The following CCDC170 variants were observed in gnomAD, a reference collection of about 807,000 sequenced individuals.
The protein encoded by CCDC170 is coiled-coil domain-containing protein 170.
CCDC170 carries 69 observed loss-of-function variants against 72.6 expected under a neutral mutation model. The observed-to-expected ratio is 0.95, with a 90% CI of 0.78 to 1.16. CCDC170 has a LOEUF of 1.16. Ranked by LOEUF, CCDC170 falls within the 50% of genes most tolerant of loss-of-function variation. The pLI, the probability that CCDC170 is intolerant of heterozygous loss-of-function variation, is 0.00. For missense variants in CCDC170, 852 were observed against 832.5 expected (o/e 1.02, Z -0.29); for synonymous variants, 300 against 303.9 (o/e 0.99, Z 0.13).
chr6:151,555,960 G>T (rs1232325006), intron 5 of CCDC170, among the ~76,000 whole-genome samples: 1 of 152,142 alleles, frequency 6.6e-6, no homozygotes, highest in African/African-American at 2.4e-5. Context: ...CAAAATTAAA[G>T]CTGGATTGGG....
At chr6:151,582,529 G>GT (rs531726351) in intron 6 of CCDC170, among the ~76,000 whole-genome samples, 175 of 151,940 alleles carry the variant, frequency 1.2e-3, no homozygotes, top group African/African-American at 3.9e-3. Context: ...CAATAAGGCT[G>GT]TTTTTTTTCT....
chr6:151,582,156 A>G (rs1246746776), intron 6 of CCDC170, among the ~76,000 whole-genome samples: 1 of 152,308 alleles, frequency 6.6e-6, no homozygotes, highest in Non-Finnish European at 1.5e-5. Context: ...TTTAGCTATG[A>G]AAGTCCTAAA....
chr6:151,520,612 G>A (rs949892539), intron 1 of CCDC170, among the ~76,000 whole-genome samples: 2 of 152,202 alleles, frequency 1.3e-5, no homozygotes, highest in African/African-American at 4.8e-5. Flanking sequence ...TTATGGTTAA[G>A]GAGTCATTGC....
intron 4 of CCDC170, among the ~76,000 whole-genome samples, chr6:151,545,439 G>A (rs920385776): frequency 1.3e-5 from 2 of 151,458 alleles, no homozygotes; most frequent in Admixed American, 1.3e-4. Context: ...AAACAAAATA[G>A]CAAAAATTCT....
intron 1 of CCDC170, among the ~76,000 whole-genome samples, chr6:151,513,613 CAAAAAAAA>C (rs71014591): frequency 2.2e-5 from 1 of 46,010 alleles, no homozygotes; most frequent in African/African-American, 9.5e-5. Context: ...GGCTCCGTCT[CAAAAAAAA>C]AAAAAAAAAA....
At chr6:151,612,353 T>C (rs996185190) in intron 9 of CCDC170, among the ~76,000 whole-genome samples, 2 of 152,188 alleles carry the variant, frequency 1.3e-5, no homozygotes, top group African/African-American at 2.4e-5. Flanking sequence ...GTCATAGTCA[T>C]CTCAAAGCCC....
chr6:151,583,137 C>CATGA, intron 6 of CCDC170, among the ~76,000 whole-genome samples: 1 of 151,632 alleles, frequency 6.6e-6, no homozygotes, highest in East Asian at 2.0e-4. Context: ...GGACTACAGG[C>CATGA]GCCTGCCACC....
At chr6:151,572,497 A>C (rs1776232082) in intron 5 of CCDC170, among the ~76,000 whole-genome samples, 1 of 152,104 alleles carries the variant, frequency 6.6e-6, no homozygotes, top group South Asian at 2.1e-4. Context: ...AGTTCTATAA[A>C]CATATTCTAC....
In CCDC170 at chr6:151,511,819, C is replaced by T. The variant is rs181795309; in HGVS notation, c.57+17634C>T. On this transcript the variant is annotated intron_variant, in intron 1 of 10. Coordinates refer to ENST00000239374, the MANE Select transcript of CCDC170 (RefSeq NM_025059.4). ...TTACATTTTTGTATATGTTTGGTAC[C>T]GTGCATAATATGTACAGTAGTATAT... Among the ~76,000 whole-genome samples, 357 of 152,156 alleles carry T rather than the reference C, an allele frequency of 2.3e-3. 1 individual carries two copies. The highest frequency in any genetic ancestry group is 7.7e-3 in the African/African-American group (318 of 41,512).
chr6:151,571,128 C>G (rs1776212943), intron 5 of CCDC170, among the ~76,000 whole-genome samples: 1 of 152,116 alleles, frequency 6.6e-6, no homozygotes, highest in Admixed American at 6.5e-5. Flanking sequence ...GTGTTTCAGG[C>G]TATCCTTTTT....
chr6:151,567,580 A>T (rs1313032719), intron 5 of CCDC170, among the ~76,000 whole-genome samples: 1 of 152,172 alleles, frequency 6.6e-6, no homozygotes, highest in Non-Finnish European at 1.5e-5. Flanking sequence ...ATCTGTCAAC[A>T]GTTCTATTAG....
intron 1 of CCDC170, among the ~76,000 whole-genome samples, chr6:151,496,607 T>G (rs1781916040): frequency 6.6e-6 from 1 of 152,210 alleles, no homozygotes; most frequent in Non-Finnish European, 1.5e-5. Context: ...GACTTGTATC[T>G]TTCTTTCAAA....
intron 3 of CCDC170, among the ~76,000 whole-genome samples, chr6:151,540,507 T>A (rs576508068): frequency 6.8e-6 from 1 of 147,368 alleles, no homozygotes; most frequent in South Asian, 2.2e-4. Flanking sequence ...TGACTCAGCC[T>A]CCCAAGTAGC....
At chr6:151,499,267 G>A (rs1482122403) in intron 1 of CCDC170, among the ~76,000 whole-genome samples, 1 of 126,648 alleles carries the variant, frequency 7.9e-6, no homozygotes, top group Non-Finnish European at 1.6e-5. Flanking sequence ...GACTGTATTT[G>A]ACTCTTCTAG....
chr6:151,519,329 C>T (rs139951459), intron 1 of CCDC170, among the ~76,000 whole-genome samples: 11,598 of 152,184 alleles, frequency 0.076, 553 homozygotes, highest in East Asian at 0.18. Context: ...AGGCTCTCTG[C>T]AAGAAGAAAA....
At chr6:151,580,452 G>A (rs1035399049) in intron 6 of CCDC170, among the ~76,000 whole-genome samples, 1 of 151,892 alleles carries the variant, frequency 6.6e-6, no homozygotes, top group East Asian at 1.9e-4. Flanking sequence ...TGTTTCTCTT[G>A]CGTTAAGATC....
At chr6:151,549,761 T>G (rs1317024876) in intron 5 of CCDC170, among the ~76,000 whole-genome samples, 1 of 152,252 alleles carries the variant, frequency 6.6e-6, no homozygotes, top group Non-Finnish European at 1.5e-5. Flanking sequence ...TGGAAATATT[T>G]TACACACATA....
chr6:151,513,814 G>C (rs894558587), intron 1 of CCDC170, among the ~76,000 whole-genome samples: 1 of 150,796 alleles, frequency 6.6e-6, no homozygotes, highest in Non-Finnish European at 1.5e-5. Context: ...CACCTACTCC[G>C]GAGGCTGAGG....
chr6:151,617,592 G>A (rs944325249), intron 10 of CCDC170, among the ~76,000 whole-genome samples: 1 of 151,968 alleles, frequency 6.6e-6, no homozygotes, highest in Non-Finnish European at 1.5e-5. Context: ...TGAATTTCAG[G>A]GCAGCCCTTC....
Sources: allele counts gnomAD v4.1 joint callset (sites outside exome capture counted in the v4.1 genomes callset), GRCh38; gene constraint gnomAD v4.1.1; transcripts MANE v1.5; gene names NCBI Gene and HGNC (gene_info 2026-07-23, HGNC 2026-07-21).